DOCK10: variants seen among roughly 807,000 people sequenced by gnomAD.
DOCK10 encodes dedicator of cytokinesis 10.
In DOCK10, 145 loss-of-function variants were observed where a neutral mutation model predicts 280.1. The ratio of observed to expected loss-of-function variants is 0.52; its 90% CI spans 0.45 to 0.59. DOCK10 has a LOEUF of 0.59. Among genes scored for constraint, DOCK10 ranks in the 20% least tolerant of loss-of-function variants. The probability of loss-of-function intolerance (pLI) is 0.00; values close to 1 mark genes in which losing one functional copy is unlikely to be tolerated. For synonymous variants in DOCK10, 915 were observed against 942.2 expected (o/e 0.97, Z 0.53); for missense variants, 2,368 against 2,651.7 (o/e 0.89, Z 2.35).
intron 1 of DOCK10, among the ~76,000 whole-genome samples, chr2:225,005,064 G>C (rs1002535798): frequency 6.6e-6 from 1 of 152,166 alleles, no homozygotes; most frequent in South Asian, 2.1e-4. Context: ...AGATATATTA[G>C]AGGCAATTTG....
rs1699262969 is a variant in DOCK10 at position 224,886,100 on chromosome 2, T to C, written c.575A>G (p.Asn192Ser). The C allele has an allele frequency of 6.2e-7, 1 of 1,613,886 alleles. No individual in the cohort carries two copies. Among genetic ancestry groups the C allele is most frequent in the African/African-American group, 1.3e-5 (1 of 74,996 alleles). The part of the protein sequence containing the change: ...VFKSGWLYKG[N>S]FNSTVNNTVT... ...GGTGTTGTTCACGGTGCTGTTAAAATTCCCCTTGTAGAGCCAGCCGGACTT... is the reference window on the plus strand; with the variant it reads ...GGTGTTGTTCACGGTGCTGTTAAAACTCCCCTTGTAGAGCCAGCCGGACTT... The change falls in exon 6 of 56, where the codon AAT becomes AGT. Residue 192 changes from asparagine (N) to serine (S), a missense_variant. By Grantham distance (46) the Asn-to-Ser change is conservative. Around this residue, in one of 2 missense-constraint regions of DOCK10, gnomAD observed 1,209 missense variants for 1,250.9 expected, o/e 0.97. Transcript: ENST00000258390.
intron 52 of DOCK10, among the ~76,000 whole-genome samples, chr2:224,773,940 T>G (rs958865317): frequency 8.5e-5 from 13 of 152,188 alleles, no homozygotes; most frequent in African/African-American, 3.1e-4. Context: ...GCCTTTAGAA[T>G]TTCTAAACAC....
intron 11 of DOCK10, among the ~76,000 whole-genome samples, chr2:224,868,046 T>C (rs1474033931): frequency 6.6e-6 from 1 of 152,170 alleles, no homozygotes; most frequent in Non-Finnish European, 1.5e-5. Flanking sequence ...TGAGAGGTTT[T>C]TTTTGTGTGT....
At chr2:225,029,594 T>C (rs1690021326) in intron 1 of DOCK10, among the ~76,000 whole-genome samples, 1 of 152,232 alleles carries the variant, frequency 6.6e-6, no homozygotes, top group Admixed American at 6.5e-5. Context: ...GGAGTTGGTA[T>C]ACAGAAATGC....
chr2:224,925,743 T>C (rs1702013027), intron 2 of DOCK10, among the ~76,000 whole-genome samples: 1 of 152,222 alleles, frequency 6.6e-6, no homozygotes, highest in Admixed American at 6.5e-5. Flanking sequence ...AACTTTCTTA[T>C]TTATGGTTTT....
chr2:224,804,713 G>T, intron 38 of DOCK10, 81 bp downstream of exon 38: 2 of 920,554 alleles, frequency 2.2e-6, no homozygotes, highest in Non-Finnish European at 1.6e-6. Context: ...ATATATATTT[G>T]TAACTCTAAC....
chr2:224,856,812 T>A, intron 15 of DOCK10, 48 bp downstream of exon 15: 1 of 1,520,024 alleles, frequency 6.6e-7, no homozygotes, highest in Non-Finnish European at 8.9e-7. Context: ...TGATAAAAAA[T>A]CAACATGGCT....
rs928418252 is a variant in DOCK10 at position 224,837,963 on chromosome 2, C to G, written c.2781-132G>C. 4 of 707,322 alleles carry G rather than the reference C, an allele frequency of 5.7e-6. No homozygotes were observed. In the African/African-American group the frequency reaches 7.0e-5, roughly 12 times the overall value. The allele number at this position is 707,322 out of a possible 1,614,324, so 43.8% of individuals were successfully genotyped here. ...TGAATGAATGAACCAATCTCTGACT[C>G]CTTCCTTGCCCTCCTCAGCCCCATA... On this transcript the variant is annotated intron_variant, in intron 24 of 55. Transcript: ENST00000258390.
At chr2:224,884,857 A>G (rs13391726) in intron 7 of DOCK10, among the ~76,000 whole-genome samples, 11,491 of 152,250 alleles carry the variant, frequency 0.075, 502 homozygotes, top group African/African-American at 0.1. Flanking sequence ...TCATTTGCAT[A>G]TTATTTTACT....
chr2:224,848,753 A>G (rs1337770758), intron 19 of DOCK10, among the ~76,000 whole-genome samples: 4 of 152,268 alleles, frequency 2.6e-5, no homozygotes, highest in East Asian at 1.9e-4. Flanking sequence ...ACGGGATCCA[A>G]GCTCCCTTAA....
At chr2:224,952,914 A>G (rs983579485) in intron 1 of DOCK10, among the ~76,000 whole-genome samples, 1 of 152,234 alleles carries the variant, frequency 6.6e-6, no homozygotes, top group Non-Finnish European at 1.5e-5. Context: ...TAACATGCTC[A>G]ATTCTAACTA....
chr2:224,789,219 G>A (rs1034996389), intron 47 of DOCK10, 49 bp from the exon 48 acceptor site: 5 of 1,273,320 alleles, frequency 3.9e-6, no homozygotes, highest in Non-Finnish European at 5.6e-6. Flanking sequence ...GACAAATTTT[G>A]CTTAGATTAG....
chr2:224,780,215 C>T (rs990591667), intron 50 of DOCK10, among the ~76,000 whole-genome samples: 1 of 152,220 alleles, frequency 6.6e-6, no homozygotes, highest in Non-Finnish European at 1.5e-5. Context: ...TGTAAAGCAG[C>T]TCCTGTCATT....
intron 18 of DOCK10, among the ~76,000 whole-genome samples, chr2:224,851,447 C>CT (rs34157478): frequency 0.089 from 10,341 of 116,690 alleles, 1,015 homozygotes; most frequent in African/African-American, 0.26. Context: ...TCAAGACCTT[C>CT]TTTTTTTTTT....
intron 50 of DOCK10, among the ~76,000 whole-genome samples, chr2:224,783,970 G>C (rs545575989): frequency 6.6e-6 from 1 of 152,168 alleles, no homozygotes; most frequent in African/African-American, 2.4e-5. Flanking sequence ...ATATAAAGTT[G>C]CCATTTTTGT....
intron 53 of DOCK10, among the ~76,000 whole-genome samples, chr2:224,772,948 G>C (rs1425652782): frequency 3.3e-5 from 5 of 152,134 alleles, no homozygotes. Context: ...TTTTATTTCA[G>C]CTAAACTTAA....
rs1696578964 is a variant in DOCK10 at position 224,849,424 on chromosome 2, G to A, written c.2235+83C>T. Reference sequence around the variant, plus strand: ...TCCTTAGTCTGATGAGGTCTAGAGAGAGTGTTTTTCACTGCACGGTTATCT... The same window carrying A: ...TCCTTAGTCTGATGAGGTCTAGAGAAAGTGTTTTTCACTGCACGGTTATCT... On this transcript the variant is annotated intron_variant, in intron 19 of 55. Transcript: ENST00000258390. The A allele has an allele frequency of 1.1e-5, 10 of 938,716 alleles. No homozygotes were observed. In the Middle Eastern group the frequency reaches 6.8e-4, roughly 64 times the overall value. 58.1% of individuals were successfully genotyped at this position (938,716 alleles called of 1,614,324 possible). A position where few individuals can be genotyped will look rare whatever the true frequency, so the allele number is the denominator to read the frequency against.
chr2:225,030,143 C>CT (rs1187066927), intron 1 of DOCK10, among the ~76,000 whole-genome samples: 3 of 122,414 alleles, frequency 2.5e-5, no homozygotes, highest in Non-Finnish European at 4.8e-5. Context: ...GAGACTCTGT[C>CT]TTTAAAAAAA....
At position 224,981,836 on chromosome 2, in the gene DOCK10, A is replaced by T. The variant is rs190233557; in HGVS notation, c.124-50168T>A. On this transcript the variant is annotated intron_variant, in intron 1 of 55. Transcript: ENST00000258390. Reference sequence around the variant, plus strand: ...ACTTCAATGGTTACATGTGATTTTTAAAAAACGCCCATTTTGGGCTCTTCT... The same window carrying T: ...ACTTCAATGGTTACATGTGATTTTTTAAAAACGCCCATTTTGGGCTCTTCT... Among the ~76,000 whole-genome samples, 355 of 152,330 alleles carry T rather than the reference A, an allele frequency of 2.3e-3. 3 individuals are homozygous for T. Among genetic ancestry groups the T allele is most frequent in the African/African-American group, 7.3e-3 (305 of 41,570 alleles).
Sources: gnomAD v4.1 joint callset for allele counts (sites outside exome capture counted in the v4.1 genomes callset) on GRCh38, gnomAD v4.1.1 for gene constraint, gnomAD v4.1.1 regional missense constraint, MANE v1.5 for transcripts, NCBI Gene and HGNC (gene_info 2026-07-23, HGNC 2026-07-21) for gene names.